KCNMB4: variants seen among roughly 807,000 people sequenced by gnomAD.
KCNMB4 encodes calcium-activated potassium channel subunit beta-4.
Under a neutral mutation model 20.7 loss-of-function variants are expected in KCNMB4, and 3 were observed. The observed-to-expected ratio is 0.14, with a 90% confidence interval of 0.07 to 0.37. KCNMB4 has a LOEUF of 0.37. Ranked by LOEUF, KCNMB4 falls within the 10% of genes least tolerant of loss-of-function variation. The pLI, the probability that KCNMB4 is intolerant of heterozygous loss-of-function variation, is 1.00. For missense variants in KCNMB4, 168 were observed against 265.9 expected, an observed-to-expected ratio of 0.63 and a Z score of 2.56; for synonymous variants, 110 against 113.4, an observed-to-expected ratio of 0.97 and a Z score of 0.19.
chr12:70,418,980 G>A (rs1375647829), intron 2 of KCNMB4, among the ~76,000 whole-genome samples: 1 of 152,110 alleles, frequency 6.6e-6, no homozygotes, highest in African/African-American at 2.4e-5. Context: ...AAAATAAGGG[G>A]CCCCATTGTT....
chr12:70,380,397 A>G (rs1476863713), intron 1 of KCNMB4, among the ~76,000 whole-genome samples: 1 of 152,208 alleles, frequency 6.6e-6, no homozygotes, highest in East Asian at 1.9e-4. Flanking sequence ...AAAAGTTTGA[A>G]ATACTGTGAA....
At chr12:70,411,620 T>G (rs1372871091) in intron 2 of KCNMB4, among the ~76,000 whole-genome samples, 3 of 152,190 alleles carry the variant, frequency 2.0e-5, no homozygotes, top group Non-Finnish European at 2.9e-5. Flanking sequence ...CTTTTTGTAA[T>G]TTAGTGTCCT....
At chr12:70,424,129 A>C (rs1194155684) in intron 2 of KCNMB4, among the ~76,000 whole-genome samples, 4 of 152,116 alleles carry the variant, frequency 2.6e-5, no homozygotes, top group Non-Finnish European at 4.4e-5. Context: ...GTTAGTGGTA[A>C]TGTTTTTCTT....
chr12:70,388,928 T>C (rs1414043834), intron 1 of KCNMB4, among the ~76,000 whole-genome samples: 1 of 152,068 alleles, frequency 6.6e-6, no homozygotes, highest in Non-Finnish European at 1.5e-5. Context: ...TCCAAACCCT[T>C]GTGCCACCCA....
chr12:70,381,046 C>T lies in KCNMB4; in HGVS notation c.336+13976C>T, dbSNP rs1593324474. Among the ~76,000 whole-genome samples the T allele has an allele frequency of 4.0e-5, 6 of 149,472 alleles. 1 individual carries two copies. The highest frequency in any genetic ancestry group is 4.0e-4 in the Admixed American group (6 of 15,038). The stretch of plus-strand genomic sequence containing the variant: ...AGAAAATAATGAAGAATGCTTACAA[C>T]ACAACAAGACAAATAATCCAATTTA... On this transcript the variant is annotated intron_variant, in intron 1 of 2. Coordinates refer to ENST00000258111, the MANE Select transcript of KCNMB4 (RefSeq NM_014505.6).
intron 1 of KCNMB4, among the ~76,000 whole-genome samples, chr12:70,391,576 G>A (rs1868299634): frequency 3.9e-5 from 6 of 152,184 alleles, no homozygotes. Context: ...AAGGCTCTAG[G>A]ATTACAGGTG....
intron 1 of KCNMB4, among the ~76,000 whole-genome samples, chr12:70,382,260 T>C (rs985955657): frequency 2.3e-4 from 35 of 151,592 alleles, no homozygotes; most frequent in African/African-American, 8.2e-4. Context: ...GGTGAAACCC[T>C]GTCTCTACTA....
intron 1 of KCNMB4, among the ~76,000 whole-genome samples, chr12:70,368,200 A>G (rs530235194): frequency 6.6e-6 from 1 of 152,284 alleles, no homozygotes; most frequent in East Asian, 1.9e-4. Flanking sequence ...GTTAACTCTA[A>G]CAAGATATAT....
At chr12:70,428,630 C>G (rs1443160897) in intron 2 of KCNMB4, among the ~76,000 whole-genome samples, 4 of 152,120 alleles carry the variant, frequency 2.6e-5, no homozygotes, top group Non-Finnish European at 4.4e-5. Flanking sequence ...CTTTTTTAGA[C>G]TTTTTAGACA....
chr12:70,371,578 A>G (rs918245483), intron 1 of KCNMB4, among the ~76,000 whole-genome samples: 2 of 152,218 alleles, frequency 1.3e-5, no homozygotes, highest in Non-Finnish European at 2.9e-5. Context: ...ACCTTTATTT[A>G]TCTTGAAAAA....
At chr12:70,394,171 A>G (rs908347708) in intron 1 of KCNMB4, among the ~76,000 whole-genome samples, 5 of 152,190 alleles carry the variant, frequency 3.3e-5, no homozygotes, top group African/African-American at 1.2e-4. Context: ...CTCAGCAATC[A>G]AGAATAGTTT....
Position 70,366,922 on chromosome 12 carries a change from G to A in KCNMB4, c.188G>A (p.Gly63Asp). Residue 63 changes from glycine to aspartate, a missense_variant, in exon 1 of 3, where the codon GGC (glycine) becomes GAC (aspartate). Gly to Asp is a moderately conservative substitution (Grantham distance 94). Coordinates refer to ENST00000258111, the MANE Select transcript of KCNMB4 (RefSeq NM_014505.6). ...NCTVLSVQQI[G>D]EVFECTFTCG... is the part of the protein sequence containing the mutation. ...ACGGTGCTGTCGGTGCAGCAGATCG[G>A]CGAGGTGTTCGAGTGCACCTTCACC... 6.2e-7 allele frequency: 1 copy of A among 1,613,116 alleles called. No homozygotes were observed. Among genetic ancestry groups the A allele is most frequent in the Non-Finnish European group, 8.5e-7 (1 of 1,179,696 alleles).
chr12:70,385,202 T>C (rs1389711546), intron 1 of KCNMB4, among the ~76,000 whole-genome samples: 1 of 152,210 alleles, frequency 6.6e-6, no homozygotes, highest in East Asian at 1.9e-4. Flanking sequence ...ATTGGGTATC[T>C]GCCATGTTAC....
intron 1 of KCNMB4, among the ~76,000 whole-genome samples, chr12:70,367,952 A>G (rs1001705152): frequency 6.6e-6 from 1 of 152,106 alleles, no homozygotes; most frequent in Non-Finnish European, 1.5e-5. Flanking sequence ...ACTGTTCCCA[A>G]TGGAGAAAAA....
Position 70,430,797 on chromosome 12 carries a change from A to C in KCNMB4, c.*144A>C, listed in dbSNP as rs1401951066. 5.9e-6 allele frequency: 4 copies of C among 682,506 alleles called. No individual in the cohort carries two copies. Among genetic ancestry groups the C allele is most frequent in the Non-Finnish European group, 9.0e-6 (4 of 446,194 alleles). 42.3% of individuals were successfully genotyped at this position (682,506 alleles called of 1,614,324 possible). ...AGGCTCATCCCTCAGTGGCAACAGA[A>C]ACAGGCACAACTGGAAGACTTGGAA... On this transcript the variant is annotated 3_prime_UTR_variant, in exon 3 of 3. Transcript: ENST00000258111.
In KCNMB4 at chr12:70,382,377, G is replaced by C. The variant is rs1218271530; in HGVS notation, c.336+15307G>C. Among the ~76,000 whole-genome samples, 4 of 145,338 alleles carry C rather than the reference G, an allele frequency of 2.8e-5. No individual in the cohort carries two copies. The East Asian group carries it at 8.2e-4, about 30-fold the overall frequency. On this transcript the variant is annotated intron_variant, in intron 1 of 2. Coordinates refer to ENST00000258111, the MANE Select transcript of KCNMB4 (RefSeq NM_014505.6). ...GAACCCGGAAGGCGGAGCTTGCAGT[G>C]AGCGGAGATCGCGCCACAGCACTCC...
At chr12:70,425,304 G>A (rs1169079695) in intron 2 of KCNMB4, among the ~76,000 whole-genome samples, 1 of 152,012 alleles carries the variant, frequency 6.6e-6, no homozygotes, top group African/African-American at 2.4e-5. Context: ...CAGGTGTGGT[G>A]GTGGGCGCCT....
chr12:70,429,740 GC>G (rs1234840059), intron 2 of KCNMB4, among the ~76,000 whole-genome samples: 1 of 151,948 alleles, frequency 6.6e-6, no homozygotes, highest in African/African-American at 2.4e-5. Flanking sequence ...AGAGATCATG[GC>G]TTGTGGAGCA....
At chr12:70,385,506 T>C (rs1444652982) in intron 1 of KCNMB4, among the ~76,000 whole-genome samples, 1 of 152,200 alleles carries the variant, frequency 6.6e-6, no homozygotes, top group Non-Finnish European at 1.5e-5. Flanking sequence ...GGATAGAAAA[T>C]TAATAGCACA....
Sources: allele counts gnomAD v4.1 joint callset (sites outside exome capture counted in the v4.1 genomes callset), GRCh38; gene constraint gnomAD v4.1.1; transcripts MANE v1.5; gene names NCBI Gene and HGNC (gene_info 2026-07-23, HGNC 2026-07-21).